Variants in TJP1 observed in about 807,000 individuals in gnomAD.
The protein encoded by TJP1 is tight junction protein ZO-1.
Under a neutral mutation model 194.2 loss-of-function variants are expected in TJP1, and 43 were observed. The observed-to-expected ratio is 0.22, with a 90% CI of 0.17 to 0.29. TJP1 has a LOEUF of 0.29. Ranked by LOEUF, TJP1 falls within the 10% of genes least tolerant of loss-of-function variation. The pLI, the probability that TJP1 is intolerant of heterozygous loss-of-function variation, is 1.00. For synonymous variants in TJP1, 801 were observed against 779.0 expected (o/e 1.03, Z -0.47); for missense variants, 1,971 against 2,185.7 (o/e 0.90, Z 1.96).
At chr15:29,905,350 G>T (rs1414934222) in intron 2 of TJP1, among the ~76,000 whole-genome samples, 2 of 152,132 alleles carry the variant, frequency 1.3e-5, no homozygotes, top group Non-Finnish European at 2.9e-5. Context: ...TCCTCACAGG[G>T]TTAAAACTGG....
chr15:29,830,114 T>A (rs1413088382), intron 2 of TJP1, among the ~76,000 whole-genome samples: 1 of 151,824 alleles, frequency 6.6e-6, no homozygotes, highest in Non-Finnish European at 1.5e-5. Flanking sequence ...ACTAAATAGA[T>A]AAAAGAATTA....
At chr15:29,839,851 A>G (rs2152064174) in intron 2 of TJP1, among the ~76,000 whole-genome samples, 1 of 152,308 alleles carries the variant, frequency 6.6e-6, no homozygotes, top group South Asian at 2.1e-4. Context: ...GTCTCATTTT[A>G]TATTCCTACC....
chr15:29,951,351 A>T (rs1019328370), intron 2 of TJP1, among the ~76,000 whole-genome samples: 2 of 151,984 alleles, frequency 1.3e-5, no homozygotes, highest in Non-Finnish European at 2.9e-5. Context: ...GATTTTTAGT[A>T]GAGACAGGGT....
intron 2 of TJP1, among the ~76,000 whole-genome samples, chr15:29,878,422 T>A (rs1481040441): frequency 6.6e-6 from 1 of 152,212 alleles, no homozygotes; most frequent in Non-Finnish European, 1.5e-5. Flanking sequence ...TCTCCTTGAG[T>A]AGCCTCTGGA....
rs1368099527 is a variant in TJP1 at position 29,760,400 on chromosome 15, G to C, written c.1010+739C>G. ...AGTGTTTTGTTTTGTTTTTGAGAAA[G>C]AGTTCCGCTCTGTCACCAAGGCTGG... On this transcript the variant is annotated intron_variant, in intron 8 of 27. Coordinates refer to ENST00000614355, the MANE Select transcript of TJP1 (RefSeq NM_001330239.4). 2.1e-5 allele frequency: 13 copies of C among 614,858 alleles called. No individual in the cohort carries two copies. In the Admixed American group the frequency reaches 2.8e-4, roughly 13 times the overall value. 38.1% of individuals were successfully genotyped at this position (614,858 alleles called of 1,614,324 possible).
chr15:29,898,348 CT>C (rs2053539851), intron 2 of TJP1, among the ~76,000 whole-genome samples: 1 of 152,186 alleles, frequency 6.6e-6, no homozygotes, highest in Non-Finnish European at 1.5e-5. Context: ...CCACGTGGAA[CT>C]GTAAGTCCAA....
chr15:29,805,574 T>C (rs1310251067), intron 1 of TJP1, among the ~76,000 whole-genome samples: 1 of 152,136 alleles, frequency 6.6e-6, no homozygotes, highest in African/African-American at 2.4e-5. Flanking sequence ...TCAGACATGG[T>C]AAGTGTTGGG....
intron 2 of TJP1, among the ~76,000 whole-genome samples, chr15:29,833,980 T>G (rs2050936773): frequency 8.7e-6 from 1 of 115,478 alleles, no homozygotes. Context: ...CCTCCCGGGT[T>G]CACGCCATTC....
chr15:29,705,007 TATGAAA>T (rs1337241822), intron 26 of TJP1, among the ~76,000 whole-genome samples: 2 of 152,250 alleles, frequency 1.3e-5, no homozygotes, highest in African/African-American at 4.8e-5. Flanking sequence ...CCAGGAGGAT[TATGAAA>T]ATAAGTTTCC....
At position 29,716,828 on chromosome 15, in the gene TJP1, G is replaced by A; in HGVS notation, c.3985C>T (p.Pro1329Ser). 6.2e-7 allele frequency: 1 copy of A among 1,600,312 alleles called. No homozygotes were observed. The highest frequency in any genetic ancestry group is 8.6e-7 in the Non-Finnish European group (1 of 1,168,826). Residue 1329 changes from proline (P) to serine (S), a missense_variant, in exon 23 of 28, where the codon CCT becomes TCT. By Grantham distance (74) the Pro-to-Ser change is moderately conservative. Transcript: ENST00000614355. ...HDKTLYRIPE[P>S]QKPQLKPPED... is the part of the protein sequence containing the mutation. The stretch of plus-strand genomic sequence containing the variant: ...GGTGGCTTCAGTTGAGGTTTTTGAG[G>A]TTCTGGGATCCTAACAGATAATGAA...
chr15:29,889,079 AGGCC>A (rs1171786098), intron 2 of TJP1, among the ~76,000 whole-genome samples: 40 of 152,218 alleles, frequency 2.6e-4, no homozygotes, highest in Non-Finnish European at 5.1e-4. Context: ...ATAAGTGAGC[AGGCC>A]TCCAAGTAAA....
chr15:29,896,234 T>A (rs2053473095), intron 2 of TJP1, among the ~76,000 whole-genome samples: 1 of 152,174 alleles, frequency 6.6e-6, no homozygotes, highest in Non-Finnish European at 1.5e-5. Context: ...GATTGAATGA[T>A]GGGGGCGGAT....
intron 17 of TJP1, 132 bp downstream of exon 17, chr15:29,726,649 G>T: frequency 8.9e-7 from 1 of 1,120,806 alleles, no homozygotes. Context: ...CAAACAGCAG[G>T]TGTTAACACA....
intron 22 of TJP1, among the ~76,000 whole-genome samples, chr15:29,717,770 A>G (rs535665209): frequency 6.6e-6 from 1 of 152,334 alleles, no homozygotes; most frequent in South Asian, 2.1e-4. Context: ...TGTTTATTTA[A>G]TCATCTGCTT....
In TJP1 at chr15:29,736,774, TG is replaced by T. The variant is rs566096728; in HGVS notation, c.1407+489del. The stretch of plus-strand genomic sequence containing the variant: ...AGGCAGCTTACACATTTGCCTTTGA[TG>T]TGAATTCCATCTCCCTGTGTCTGAG... On this transcript the variant is annotated intron_variant, in intron 11 of 27. Transcript: ENST00000614355. 5.1e-4 allele frequency among the ~76,000 whole-genome samples: 77 copies of T among 152,322 alleles called. 4 individuals are homozygous for T. Among genetic ancestry groups the T allele is most frequent in the African/African-American group, 1.8e-3 (75 of 41,574 alleles).
rs1229958054 is a variant in TJP1 at position 29,708,553 on chromosome 15, T to A, written c.4850+6A>T. The A allele has an allele frequency of 3.8e-6, 6 of 1,597,294 alleles. No homozygotes were observed. Among genetic ancestry groups the A allele is most frequent in the Non-Finnish European group, 5.1e-6 (6 of 1,165,592 alleles). On this transcript the variant is annotated splice_donor_region_variant and intron_variant, in intron 25 of 27. Transcript: ENST00000614355. ...CCAATGCTTTGAGCAAAGGCATAAG[T>A]CTTACCTCACAGGAATAGCTTTAGG...
At chr15:29,910,879 AT>A (rs1218239746) in intron 2 of TJP1, among the ~76,000 whole-genome samples, 3 of 152,208 alleles carry the variant, frequency 2.0e-5, no homozygotes, top group Non-Finnish European at 4.4e-5. Context: ...CTGAGGTGGA[AT>A]TAAATGATCA....
chr15:29,958,216 C>T (rs887304545), intron 1 of TJP1, among the ~76,000 whole-genome samples: 9 of 151,738 alleles, frequency 5.9e-5, no homozygotes, highest in African/African-American at 2.2e-4. Flanking sequence ...TTCCCATCTA[C>T]ATTTTTATAT....
chr15:29,720,483 G>A lies in TJP1; in HGVS notation c.2638C>T (p.Pro880Ser). ...ATTCCAGAGGAGTCCTCTCTTACAG[G>A]CTCAGAGGACCGTGTAATGGCAGAC... ...PESAITRSSE[P>S]VREDSSGMHH... The change falls in exon 19 of 28, where the codon CCT becomes TCT. Residue 880 changes from proline (P) to serine (S), a missense_variant. Pro to Ser is a moderately conservative substitution (Grantham distance 74, BLOSUM62 -1). Around this residue, in one of 5 missense-constraint regions of TJP1, gnomAD observed 1,108 missense variants for 1,128.5 expected, o/e 0.98. Coordinates refer to ENST00000614355, the MANE Select transcript of TJP1 (RefSeq NM_001330239.4). 6.2e-7 allele frequency: 1 copy of A among 1,614,036 alleles called. No homozygotes were observed. The highest frequency in any genetic ancestry group is 8.5e-7 in the Non-Finnish European group (1 of 1,179,986).
Sources: allele counts gnomAD v4.1 joint callset (sites outside exome capture counted in the v4.1 genomes callset), GRCh38; gene constraint gnomAD v4.1.1; regional missense constraint gnomAD v4.1.1; transcripts MANE v1.5; gene names NCBI Gene and HGNC (gene_info 2026-07-23, HGNC 2026-07-21).